Variants in CWC27 observed in about 807,000 individuals in gnomAD.
The protein encoded by CWC27 is spliceosome-associated protein CWC27 homolog.
Under a neutral mutation model 63.6 loss-of-function variants are expected in CWC27, and 47 were observed. The observed-to-expected ratio is 0.74, with a 90% CI of 0.58 to 0.94. CWC27 has a LOEUF of 0.94. Ranked by LOEUF, CWC27 falls within the 40% of genes least tolerant of loss-of-function variation. CWC27 has a pLI of 0.00. For missense variants in CWC27, 495 were observed against 554.3 expected (o/e 0.89, Z 1.07); for synonymous variants, 175 against 179.8 (o/e 0.97, Z 0.22).
chr5:64,801,360 G>A, intron 9 of CWC27, 28 bp downstream of exon 9: 3 of 1,306,492 alleles, frequency 2.3e-6, no homozygotes, highest in Non-Finnish European at 3.0e-6. Flanking sequence ...TATTAATATA[G>A]TTTGAACAAT....
intron 4 of CWC27, 83 bp downstream of exon 4, chr5:64,784,062 C>A: frequency 8.3e-7 from 1 of 1,201,508 alleles, no homozygotes; most frequent in Non-Finnish European, 1.1e-6. Flanking sequence ...ATATGATTAA[C>A]TTATCTAAGA....
Position 64,853,279 on chromosome 5 carries a change from A to C in CWC27, c.939-32164A>C, listed in dbSNP as rs2112299822. ...TAACTTTATTGCTTCTTTTGACTTGAATCATGAACCTCTGTTTCTGCCTGA... is the reference window on the plus strand; with the variant it reads ...TAACTTTATTGCTTCTTTTGACTTGCATCATGAACCTCTGTTTCTGCCTGA... On this transcript the variant is annotated intron_variant, in intron 10 of 13. Transcript: ENST00000381070. Among the ~76,000 whole-genome samples the C allele has an allele frequency of 2.0e-5, 3 of 152,298 alleles. No individual in the cohort carries two copies. The South Asian group carries it at 6.2e-4, about 32-fold the overall frequency.
intron 13 of CWC27, among the ~76,000 whole-genome samples, chr5:64,997,170 A>G (rs535384859): frequency 4.6e-5 from 7 of 152,188 alleles, no homozygotes; most frequent in Non-Finnish European, 1.0e-4. Context: ...CTAATTTTTC[A>G]TAGGAATATA....
intron 11 of CWC27, among the ~76,000 whole-genome samples, chr5:64,933,257 A>G (rs1352374023): frequency 6.6e-6 from 1 of 152,212 alleles, no homozygotes; most frequent in Non-Finnish European, 1.5e-5. Flanking sequence ...ATCATGATAT[A>G]TATTTAATAG....
chr5:64,882,372 A>T (rs1406263527), intron 10 of CWC27, among the ~76,000 whole-genome samples: 1 of 152,192 alleles, frequency 6.6e-6, no homozygotes, highest in Non-Finnish European at 1.5e-5. Flanking sequence ...AATTATGTTG[A>T]GATGTCCAGC....
intron 1 of CWC27, among the ~76,000 whole-genome samples, chr5:64,771,481 A>T (rs1271581877): frequency 6.6e-6 from 1 of 152,186 alleles, no homozygotes; most frequent in East Asian, 1.9e-4. Flanking sequence ...GAGGCAAAGA[A>T]ATGTAGTACT....
intron 11 of CWC27, among the ~76,000 whole-genome samples, chr5:64,967,038 G>A (rs1055251708): frequency 1.3e-5 from 2 of 151,898 alleles, no homozygotes; most frequent in Admixed American, 1.3e-4. Context: ...GTGGAAGAGA[G>A]GTACTGCTTT....
At chr5:64,831,303 T>C (rs536302055) in intron 10 of CWC27, among the ~76,000 whole-genome samples, 4 of 152,060 alleles carry the variant, frequency 2.6e-5, no homozygotes, top group African/African-American at 4.8e-5. Context: ...CTTAGGGAAG[T>C]TGAAAATCCC....
chr5:64,996,712 A>G (rs919601820), intron 13 of CWC27, among the ~76,000 whole-genome samples: 2 of 152,152 alleles, frequency 1.3e-5, no homozygotes, highest in Non-Finnish European at 2.9e-5. Flanking sequence ...GTTTTTGAAG[A>G]CATTCTCTCT....
intron 11 of CWC27, among the ~76,000 whole-genome samples, chr5:64,890,669 T>G (rs1747212085): frequency 6.6e-6 from 1 of 152,186 alleles, no homozygotes; most frequent in African/African-American, 2.4e-5. Flanking sequence ...ACTTGACTCA[T>G]TGGATGCATC....
At chr5:64,850,576 T>C (rs926798967) in intron 10 of CWC27, among the ~76,000 whole-genome samples, 1 of 152,146 alleles carries the variant, frequency 6.6e-6, no homozygotes, top group Non-Finnish European at 1.5e-5. Context: ...TTACATCCAC[T>C]GAAAAGCTTC....
intron 11 of CWC27, among the ~76,000 whole-genome samples, chr5:64,941,809 GA>G (rs1479607215): frequency 6.8e-6 from 1 of 146,412 alleles, no homozygotes; most frequent in Non-Finnish European, 1.5e-5. Context: ...TGCTATATCA[GA>G]TAGATATGGG....
intron 7 of CWC27, among the ~76,000 whole-genome samples, chr5:64,793,632 A>G (rs542853770): frequency 2.5e-4 from 38 of 152,296 alleles, no homozygotes; most frequent in African/African-American, 8.9e-4. Context: ...AGTGTATGAA[A>G]TGACTGGAGC....
intron 10 of CWC27, among the ~76,000 whole-genome samples, chr5:64,821,564 C>A (rs1378021153): frequency 6.6e-6 from 1 of 152,110 alleles, no homozygotes; most frequent in African/African-American, 2.4e-5. Flanking sequence ...TTAAAACTTA[C>A]CTGTTTTAAT....
chr5:64,865,744 G>T (rs1424072879), intron 10 of CWC27, among the ~76,000 whole-genome samples: 1 of 151,818 alleles, frequency 6.6e-6, no homozygotes, highest in African/African-American at 2.4e-5. Context: ...AATTATTCTG[G>T]GCTCTAACAG....
chr5:64,992,692 T>C (rs1330780198), intron 13 of CWC27, among the ~76,000 whole-genome samples: 1 of 117,840 alleles, frequency 8.5e-6, no homozygotes, highest in Non-Finnish European at 1.8e-5. Context: ...CCACCACGCC[T>C]GGCTAATTTT....
intron 11 of CWC27, among the ~76,000 whole-genome samples, chr5:64,922,376 G>A (rs909709785): frequency 1.3e-5 from 2 of 152,128 alleles, no homozygotes; most frequent in Non-Finnish European, 2.9e-5. Context: ...GGCTTCAAAG[G>A]AGCAGTCTTC....
intron 11 of CWC27, among the ~76,000 whole-genome samples, chr5:64,965,014 G>A (rs182419425): frequency 1.3e-3 from 203 of 152,220 alleles, no homozygotes; most frequent in Non-Finnish European, 2.2e-3. Context: ...ACTTGAACCC[G>A]GGAAGTGGAG....
At chr5:64,988,723 G>T (rs1749481987) in intron 13 of CWC27, among the ~76,000 whole-genome samples, 2 of 151,706 alleles carry the variant, frequency 1.3e-5, no homozygotes, top group Non-Finnish European at 2.9e-5. Context: ...CTTGCCTCAG[G>T]CTCCTGAGTA....
Sources: allele counts gnomAD v4.1 joint callset (sites outside exome capture counted in the v4.1 genomes callset), GRCh38; gene constraint gnomAD v4.1.1; transcripts MANE v1.5; gene names NCBI Gene and HGNC (gene_info 2026-07-23, HGNC 2026-07-21).